EPHB1: variants seen among roughly 807,000 people sequenced by gnomAD.
The protein encoded by EPHB1 is ephrin type-B receptor 1.
EPHB1 carries 30 observed loss-of-function variants against 94.4 expected under a neutral mutation model. That is an observed-to-expected ratio of 0.32 (90% CI 0.24 to 0.43). EPHB1 has a LOEUF of 0.43. EPHB1 is among the 20% of genes least tolerant of loss of function. The pLI is 1.00. For synonymous variants in EPHB1, 522 were observed against 489.1 expected (o/e 1.07, Z -0.89); for missense variants, 1,055 against 1,308.3 (o/e 0.81, Z 2.99).
At chr3:135,174,423 C>G (rs1941914930) in intron 9 of EPHB1, among the ~76,000 whole-genome samples, 1 of 152,198 alleles carries the variant, frequency 6.6e-6, no homozygotes, top group African/African-American at 2.4e-5. Flanking sequence ...CTTTCAGGCT[C>G]AAGCTGAGTT....
At chr3:134,998,760 T>C (rs891815508) in intron 3 of EPHB1, among the ~76,000 whole-genome samples, 3 of 152,232 alleles carry the variant, frequency 2.0e-5, no homozygotes, top group Non-Finnish European at 4.4e-5. Flanking sequence ...GAAAGAATTA[T>C]AATTCACCAC....
At chr3:135,155,051 C>G (rs1941309060) in intron 6 of EPHB1, among the ~76,000 whole-genome samples, 1 of 152,164 alleles carries the variant, frequency 6.6e-6, no homozygotes, top group Non-Finnish European at 1.5e-5. Context: ...AGGCACTATT[C>G]TAGGATATAT....
intron 3 of EPHB1, among the ~76,000 whole-genome samples, chr3:135,052,860 CAAAAAAAAAAAAA>C (rs1193207059): frequency 4.1e-4 from 5 of 12,096 alleles, no homozygotes; most frequent in Admixed American, 2.0e-3. Context: ...GACTCCGTCT[CAAAAAAAAAAAAA>C]AAAAAAAAAA....
intron 4 of EPHB1, among the ~76,000 whole-genome samples, chr3:135,123,543 A>G (rs761434098): frequency 6.6e-6 from 1 of 152,062 alleles, no homozygotes; most frequent in Non-Finnish European, 1.5e-5. Context: ...ACAGGAAGGC[A>G]ATGGGACAGG....
At chr3:135,079,326 A>G (rs1037532338) in intron 3 of EPHB1, among the ~76,000 whole-genome samples, 42 of 152,328 alleles carry the variant, frequency 2.8e-4, no homozygotes, top group African/African-American at 1.0e-3. Context: ...AGTGGGTGCC[A>G]TATGAGGAGA....
At chr3:135,239,985 G>A (rs891094701) in intron 12 of EPHB1, among the ~76,000 whole-genome samples, 1 of 152,186 alleles carries the variant, frequency 6.6e-6, no homozygotes, top group Non-Finnish European at 1.5e-5. Flanking sequence ...CAGGTAGAAA[G>A]AGGCAGTACT....
intron 1 of EPHB1, among the ~76,000 whole-genome samples, chr3:134,807,445 G>A (rs1405769935): frequency 6.6e-6 from 1 of 151,920 alleles, no homozygotes; most frequent in Non-Finnish European, 1.5e-5. Flanking sequence ...GCTGCTAGGA[G>A]AAACCAAATG....
chr3:135,124,395 T>C (rs554895491), intron 4 of EPHB1, among the ~76,000 whole-genome samples: 1 of 151,850 alleles, frequency 6.6e-6, no homozygotes, highest in Admixed American at 6.5e-5. Context: ...TTCTGACTCC[T>C]TCACTAGAGA....
At chr3:134,987,200 C>T (rs374330481) in intron 3 of EPHB1, among the ~76,000 whole-genome samples, 2 of 152,110 alleles carry the variant, frequency 1.3e-5, no homozygotes, top group Admixed American at 1.3e-4. Flanking sequence ...GCATATAATA[C>T]GTACAGGCAT....
chr3:134,873,097 T>A (rs1440593735), intron 1 of EPHB1, among the ~76,000 whole-genome samples: 1 of 152,212 alleles, frequency 6.6e-6, no homozygotes, highest in Non-Finnish European at 1.5e-5. Flanking sequence ...CTAGAGCCAT[T>A]AAATTAGAAT....
At chr3:134,927,179 C>T (rs2038810857) in intron 2 of EPHB1, among the ~76,000 whole-genome samples, 1 of 152,212 alleles carries the variant, frequency 6.6e-6, no homozygotes, top group Non-Finnish European at 1.5e-5. Flanking sequence ...TCCAGCATAG[C>T]ACATCATCAC....
intron 1 of EPHB1, among the ~76,000 whole-genome samples, chr3:134,923,350 A>C (rs2038726172): frequency 6.6e-6 from 1 of 151,954 alleles, no homozygotes; most frequent in African/African-American, 2.4e-5. Flanking sequence ...GGAGGAAGGC[A>C]CTCCCTGGCT....
At chr3:134,814,054 A>G (rs557746614) in intron 1 of EPHB1, among the ~76,000 whole-genome samples, 3 of 152,136 alleles carry the variant, frequency 2.0e-5, no homozygotes, top group Non-Finnish European at 2.9e-5. Context: ...TTAGTAAATG[A>G]TGGATGGATG....
intron 3 of EPHB1, among the ~76,000 whole-genome samples, chr3:134,969,041 G>A (rs575625674): frequency 6.6e-6 from 1 of 152,296 alleles, no homozygotes; most frequent in South Asian, 2.1e-4. Flanking sequence ...AAATACCCAG[G>A]CAAGCTCTTA....
At chr3:134,823,284 CAGG>C (rs1418844077) in intron 1 of EPHB1, among the ~76,000 whole-genome samples, 3 of 152,182 alleles carry the variant, frequency 2.0e-5, no homozygotes, top group Non-Finnish European at 4.4e-5. Context: ...TGGCAGATCG[CAGG>C]AGCAGTGGAC....
rs146270140 is a variant in EPHB1 at position 134,983,272 on chromosome 3, G to T, written c.805+31220G>T. Among the ~76,000 whole-genome samples the T allele has an allele frequency of 4.8e-4, 73 of 152,336 alleles. No individual in the cohort carries two copies. In the East Asian group the frequency reaches 0.012, roughly 25 times the overall value. On this transcript the variant is annotated intron_variant, in intron 3 of 15. Coordinates refer to ENST00000398015, the MANE Select transcript of EPHB1 (RefSeq NM_004441.5). ...TGTGCATGATCATGCATATGCTAGT[G>T]ACTACTGTGTTGGCAACTTTCATCC...
rs114611842 is a variant in EPHB1, at chr3:134,911,707, G to T, written c.59-14109G>T. On this transcript the variant is annotated intron_variant, in intron 1 of 15. Coordinates refer to ENST00000398015, the MANE Select transcript of EPHB1 (RefSeq NM_004441.5). Reference sequence around the variant, plus strand: ...ACTTGGAAGAGGATGGCAGCAGCTGGTGTCAGCCTCCTGGAGGGTAGCTGC... The same window carrying T: ...ACTTGGAAGAGGATGGCAGCAGCTGTTGTCAGCCTCCTGGAGGGTAGCTGC... Among the ~76,000 whole-genome samples, 1,279 of 152,316 alleles carry T rather than the reference G, an allele frequency of 8.4e-3. 22 individuals carry two copies. Among genetic ancestry groups the T allele is most frequent in the African/African-American group, 0.028 (1,179 of 41,566 alleles).
chr3:135,050,393 A>G (rs537495145), intron 3 of EPHB1, among the ~76,000 whole-genome samples: 2 of 152,206 alleles, frequency 1.3e-5, no homozygotes, highest in African/African-American at 4.8e-5. Context: ...ATAAACTTAT[A>G]TGTTTAAAAA....
chr3:135,103,735 G>A (rs1047500289), intron 3 of EPHB1, among the ~76,000 whole-genome samples: 3 of 152,050 alleles, frequency 2.0e-5, no homozygotes, highest in Admixed American at 6.6e-5. Context: ...TTGTTTCTCC[G>A]GGGAGAATGG....
Sources: gnomAD v4.1 joint callset for allele counts (sites outside exome capture counted in the v4.1 genomes callset) on GRCh38, gnomAD v4.1.1 for gene constraint, MANE v1.5 for transcripts, NCBI Gene and HGNC (gene_info 2026-07-23, HGNC 2026-07-21) for gene names.